Variants in MYRIP observed in about 807,000 individuals in gnomAD.
MYRIP encodes the protein rab effector MyRIP.
Under a neutral mutation model 98.0 loss-of-function variants are expected in MYRIP, and 49 were observed. The observed-to-expected ratio is 0.50, with a 90% CI of 0.40 to 0.63. MYRIP has a LOEUF of 0.63. MYRIP is among the 30% of genes least tolerant of loss of function. The pLI, the probability that MYRIP is intolerant of heterozygous loss-of-function variation, is 0.00. For missense variants in MYRIP, 1,004 were observed against 1,058.2 expected, an observed-to-expected ratio of 0.95 and a Z score of 0.71; for synonymous variants, 404 against 409.5, an observed-to-expected ratio of 0.99 and a Z score of 0.16.
At chr3:39,901,227 T>G (rs1943734247) in intron 2 of MYRIP, among the ~76,000 whole-genome samples, 2 of 152,220 alleles carry the variant, frequency 1.3e-5, no homozygotes, top group Non-Finnish European at 2.9e-5. Context: ...GCCTTAGTTT[T>G]TTGTTGGCAG....
At chr3:40,147,637 T>C (rs1372816059) in intron 3 of MYRIP, among the ~76,000 whole-genome samples, 1 of 152,200 alleles carries the variant, frequency 6.6e-6, no homozygotes, top group Non-Finnish European at 1.5e-5. Flanking sequence ...CTCAGTTAGT[T>C]TACAAAATCA....
chr3:40,060,453 A>C (rs1559383977), intron 3 of MYRIP, among the ~76,000 whole-genome samples: 1 of 152,208 alleles, frequency 6.6e-6, no homozygotes, highest in Non-Finnish European at 1.5e-5. Context: ...CTGACAAAAA[A>C]GGCAGCATAT....
At chr3:39,976,598 A>G (rs1010028033) in intron 2 of MYRIP, among the ~76,000 whole-genome samples, 2 of 152,244 alleles carry the variant, frequency 1.3e-5, no homozygotes, top group Non-Finnish European at 2.9e-5. Flanking sequence ...ATGCACACAT[A>G]TGTTTATTGC....
At chr3:39,909,665 A>G (rs776926905) in intron 2 of MYRIP, among the ~76,000 whole-genome samples, 3 of 152,178 alleles carry the variant, frequency 2.0e-5, no homozygotes, top group Non-Finnish European at 4.4e-5. Flanking sequence ...GGATTGACAC[A>G]TAGGTCTGAG....
Position 40,260,315 on chromosome 3 carries a change from A to AAAT in MYRIP, c.*2152_*2154dup, listed in dbSNP as rs1347821574. 2 of 152,222 alleles carry AAAT rather than the reference A, an allele frequency of 1.3e-5. No homozygotes were observed. The allele number at this position is 152,222 out of a possible 1,614,324, so 9.4% of individuals were successfully genotyped here. The stretch of plus-strand genomic sequence containing the variant: ...AATGATAAGTAAAAGTCATTTATGA[A>AAAT]AATAAAGATTGTGTGTGTGCAATTT... On this transcript the variant is annotated 3_prime_UTR_variant, in exon 17 of 17. Transcript: ENST00000302541.
At chr3:39,846,347 C>T (rs1941965705) in intron 1 of MYRIP, among the ~76,000 whole-genome samples, 1 of 152,178 alleles carries the variant, frequency 6.6e-6, no homozygotes, top group South Asian at 2.1e-4. Flanking sequence ...CCCTTGGACT[C>T]TGATCCCCAC....
At chr3:39,848,102 G>A (rs1052791968) in intron 1 of MYRIP, among the ~76,000 whole-genome samples, 4 of 152,188 alleles carry the variant, frequency 2.6e-5, no homozygotes, top group Non-Finnish European at 4.4e-5. Context: ...GCCTTCTAGT[G>A]TTATAGACGC....
chr3:39,958,045 G>T (rs1360006237), intron 2 of MYRIP, among the ~76,000 whole-genome samples: 3 of 152,170 alleles, frequency 2.0e-5, no homozygotes, highest in Non-Finnish European at 4.4e-5. Context: ...CAAACAAATG[G>T]AAGAACATTC....
At chr3:40,239,729 C>T (rs1311285036) in intron 12 of MYRIP, among the ~76,000 whole-genome samples, 2 of 146,340 alleles carry the variant, frequency 1.4e-5, no homozygotes, top group African/African-American at 2.6e-5. Context: ...CTGTTCATGT[C>T]CTTTGCCCAC....
chr3:40,215,248 C>A (rs1423611455), intron 11 of MYRIP, among the ~76,000 whole-genome samples: 2 of 152,100 alleles, frequency 1.3e-5, no homozygotes, highest in Non-Finnish European at 2.9e-5. Context: ...CAACAACCAG[C>A]AGACATCTCT....
chr3:40,049,526 T>A (rs1947743518), intron 3 of MYRIP, among the ~76,000 whole-genome samples: 1 of 151,994 alleles, frequency 6.6e-6, no homozygotes, highest in Non-Finnish European at 1.5e-5. Context: ...CTCCACTGAC[T>A]GGTGGTTCTC....
chr3:39,860,035 G>T (rs992254579), intron 1 of MYRIP, among the ~76,000 whole-genome samples: 24 of 152,116 alleles, frequency 1.6e-4, no homozygotes, highest in African/African-American at 5.3e-4. Context: ...GAAATACAAG[G>T]CATACAAATG....
At chr3:40,167,049 C>A in intron 6 of MYRIP, 106 bp downstream of exon 6, 1 of 1,370,608 alleles carries the variant, frequency 7.3e-7, no homozygotes. Context: ...GCAGCTCTGA[C>A]TAGAGCAAGG....
chr3:40,160,765 C>T (rs938066915), intron 4 of MYRIP, among the ~76,000 whole-genome samples: 4 of 151,938 alleles, frequency 2.6e-5, no homozygotes, highest in Admixed American at 1.3e-4. Flanking sequence ...TTCCAGGTGC[C>T]GTCTTTCCAG....
intron 3 of MYRIP, among the ~76,000 whole-genome samples, chr3:40,143,218 G>C (rs979311401): frequency 6.6e-6 from 1 of 152,082 alleles, no homozygotes; most frequent in Non-Finnish European, 1.5e-5. Context: ...GAAAGAATGA[G>C]TGAATGAACA....
chr3:40,050,294 A>G (rs1285756997), intron 3 of MYRIP, among the ~76,000 whole-genome samples: 1 of 152,162 alleles, frequency 6.6e-6, no homozygotes, highest in Non-Finnish European at 1.5e-5. Flanking sequence ...TTCCAGTCGA[A>G]GCCAGTGCTC....
intron 3 of MYRIP, among the ~76,000 whole-genome samples, chr3:40,098,795 A>C (rs1948884141): frequency 9.6e-6 from 1 of 103,702 alleles, no homozygotes; most frequent in African/African-American, 3.4e-5. Flanking sequence ...TACAGATCAG[A>C]GATAAAATGA....
chr3:40,224,013 T>C (rs998661803), intron 11 of MYRIP, among the ~76,000 whole-genome samples: 1 of 152,016 alleles, frequency 6.6e-6, no homozygotes, highest in African/African-American at 2.4e-5. Context: ...GAGGAACACA[T>C]GCAAGTCCCT....
chr3:40,067,069 A>T (rs1948140139), intron 3 of MYRIP, among the ~76,000 whole-genome samples: 1 of 152,226 alleles, frequency 6.6e-6, no homozygotes, highest in Non-Finnish European at 1.5e-5. Flanking sequence ...TTATTCATAA[A>T]CCTATAATGA....
Sources: allele counts gnomAD v4.1 joint callset (sites outside exome capture counted in the v4.1 genomes callset), GRCh38; gene constraint gnomAD v4.1.1; transcripts MANE v1.5; gene names NCBI Gene and HGNC (gene_info 2026-07-23, HGNC 2026-07-21).